PHF2: variants seen among roughly 807,000 people sequenced by gnomAD.
PHF2 encodes the protein PHD finger protein 2, also known as lysine-specific demethylase PHF2.
PHF2 carries 27 observed loss-of-function variants against 120.5 expected under a neutral mutation model. That is an observed-to-expected ratio of 0.22 (90% confidence interval 0.17 to 0.31). The LOEUF (loss-of-function observed/expected upper bound fraction) is 0.31. PHF2 is among the 10% of genes least tolerant of loss of function. The pLI is 1.00. For missense variants in PHF2, 1,024 were observed against 1,434.8 expected (o/e 0.71, Z 4.63); for synonymous variants, 568 against 592.5 (o/e 0.96, Z 0.60).
chr9:93,628,321 T>C (rs1825946498), intron 1 of PHF2, among the ~76,000 whole-genome samples: 1 of 152,238 alleles, frequency 6.6e-6, no homozygotes, highest in Admixed American at 6.5e-5. Flanking sequence ...TATTCTTCTT[T>C]AAATGTTTGA....
At chr9:93,577,073 A>C (rs1862834324) in intron 1 of PHF2, among the ~76,000 whole-genome samples, 1 of 142,742 alleles carries the variant, frequency 7.0e-6, no homozygotes, top group Non-Finnish European at 1.5e-5. Context: ...GGCGCCAAGC[A>C]CGGGGCCCGC....
In PHF2 at chr9:93,592,322, A is replaced by G. The variant is rs547159165; in HGVS notation, c.98+15451A>G. 3.9e-5 allele frequency among the ~76,000 whole-genome samples: 6 copies of G among 152,240 alleles called. No homozygotes were observed. In the East Asian group the frequency reaches 5.8e-4, roughly 15 times the overall value. On this transcript the variant is annotated intron_variant, in intron 1 of 21. Coordinates refer to ENST00000359246, the MANE Select transcript of PHF2 (RefSeq NM_005392.4). ...AGCGGGGTGATCCCAGGCAGACACA[A>G]CACTCAGGGCGGGCCCATTCTTTAC...
At chr9:93,599,136 A>C (rs1054290400) in intron 1 of PHF2, among the ~76,000 whole-genome samples, 13 of 152,210 alleles carry the variant, frequency 8.5e-5, no homozygotes, top group Non-Finnish European at 1.9e-4. Context: ...ACCCTCTGCC[A>C]GGGAGATGGG....
At chr9:93,583,968 A>G (rs1023428451) in intron 1 of PHF2, among the ~76,000 whole-genome samples, 26 of 151,722 alleles carry the variant, frequency 1.7e-4, no homozygotes, top group African/African-American at 6.0e-4. Flanking sequence ...AGCTGGGATT[A>G]CAGGCATGCA....
intron 1 of PHF2, among the ~76,000 whole-genome samples, chr9:93,590,976 A>G (rs1211672770): frequency 2.6e-5 from 4 of 152,218 alleles, no homozygotes; most frequent in Non-Finnish European, 4.4e-5. Context: ...TGGCTCCCCA[A>G]CTTGAGTGTG....
chr9:93,611,252 C>G (rs1825628618), intron 1 of PHF2, among the ~76,000 whole-genome samples: 1 of 152,014 alleles, frequency 6.6e-6, no homozygotes, highest in South Asian at 2.1e-4. Flanking sequence ...CCCATATCTA[C>G]TAAAAATACA....
chr9:93,594,161 C>G (rs1201237187), intron 1 of PHF2, among the ~76,000 whole-genome samples: 1 of 145,738 alleles, frequency 6.9e-6, no homozygotes, highest in Non-Finnish European at 1.5e-5. Flanking sequence ...ATCTGCCCTT[C>G]CGGCACACCC....
intron 1 of PHF2, among the ~76,000 whole-genome samples, chr9:93,609,233 T>G (rs1323927148): frequency 6.6e-6 from 1 of 152,044 alleles, no homozygotes; most frequent in Non-Finnish European, 1.5e-5. Flanking sequence ...GTTATTCACT[T>G]ACTCATAAAC....
intron 1 of PHF2, among the ~76,000 whole-genome samples, chr9:93,580,080 T>A (rs1862905433): frequency 6.6e-6 from 1 of 152,176 alleles, no homozygotes; most frequent in Admixed American, 6.5e-5. Context: ...AAACAGGCCC[T>A]CCTTTGAAGC....
At chr9:93,618,797 T>TG (rs1825770138) in intron 1 of PHF2, among the ~76,000 whole-genome samples, 1 of 42,754 alleles carries the variant, frequency 2.3e-5, no homozygotes, top group East Asian at 7.1e-4. Context: ...TATCTGTGTA[T>TG]TTCTGTGTAT....
At chr9:93,628,925 CTCAT>C (rs1282163992) in intron 1 of PHF2, among the ~76,000 whole-genome samples, 1 of 152,028 alleles carries the variant, frequency 6.6e-6, no homozygotes, top group Non-Finnish European at 1.5e-5. Context: ...GAGATGGAGT[CTCAT>C]TCTGTTGCCC....
intron 1 of PHF2, among the ~76,000 whole-genome samples, chr9:93,623,009 C>T (rs974721608): frequency 5.9e-5 from 9 of 152,188 alleles, no homozygotes; most frequent in African/African-American, 2.2e-4. Context: ...GTTGGTGTAG[C>T]CTGTCCTGTG....
chr9:93,670,155 A>C (rs76499753), intron 17 of PHF2, among the ~76,000 whole-genome samples: 9,419 of 152,302 alleles, frequency 0.062, 408 homozygotes, highest in Non-Finnish European at 0.09. Context: ...CTGATGCAAG[A>C]GTCCTGAAGG....
rs1249125845 is a variant in PHF2 at position 93,663,620 on chromosome 9, A to G, written c.1922A>G (p.Asn641Ser). 1.2e-6 allele frequency: 2 copies of G among 1,609,932 alleles called. No individual in the cohort carries two copies. The highest frequency in any genetic ancestry group is 1.3e-5 in the African/African-American group (1 of 74,874). The change falls in exon 14 of 22, where the codon AAC becomes AGC. Residue 641 changes from asparagine (N) to serine (S), a missense_variant. Coordinates refer to ENST00000359246, the MANE Select transcript of PHF2 (RefSeq NM_005392.4). ...KDNKFSFSFSNKKLLGSKALR... is the reference protein window; with the variant it reads ...KDNKFSFSFSSKKLLGSKALR... ...AATAAGTTCTCTTTTTCTTTCTCCA[A>G]CAAGAAACTCCTCGGGTATGTGAGT...
At chr9:93,667,867 A>G (rs1826711602) in intron 17 of PHF2, among the ~76,000 whole-genome samples, 1 of 152,122 alleles carries the variant, frequency 6.6e-6, no homozygotes, top group South Asian at 2.1e-4. Context: ...TCCAGCAGTG[A>G]CTTGGATTGA....
At chr9:93,630,384 C>A (rs530305161) in intron 2 of PHF2, among the ~76,000 whole-genome samples, 2 of 152,194 alleles carry the variant, frequency 1.3e-5, no homozygotes, top group Admixed American at 1.3e-4. Flanking sequence ...AATGGTGATG[C>A]GGGGGTTTTC....
intron 1 of PHF2, among the ~76,000 whole-genome samples, chr9:93,611,764 C>T (rs1197650800): frequency 6.6e-6 from 1 of 152,216 alleles, no homozygotes; most frequent in Non-Finnish European, 1.5e-5. Flanking sequence ...ATCTTCCAGC[C>T]TCAGCTTCCT....
chr9:93,583,927 C>G (rs1318499232), intron 1 of PHF2, among the ~76,000 whole-genome samples: 3 of 149,566 alleles, frequency 2.0e-5, no homozygotes, highest in African/African-American at 7.4e-5. Flanking sequence ...CTCCCTGGTT[C>G]AAGTGATTCT....
At chr9:93,629,915 A>G (rs1351199302) in intron 1 of PHF2, 55 bp from the exon 2 acceptor site, 2 of 1,546,988 alleles carry the variant, frequency 1.3e-6, no homozygotes, top group Non-Finnish European at 1.8e-6. Flanking sequence ...GCAGATGGAA[A>G]GTGCTTGAGG....
Sources: gnomAD v4.1 joint callset for allele counts (sites outside exome capture counted in the v4.1 genomes callset) on GRCh38, gnomAD v4.1.1 for gene constraint, MANE v1.5 for transcripts, NCBI Gene and HGNC (gene_info 2026-07-23, HGNC 2026-07-21) for gene names.